The following DRAXIN variants were observed in gnomAD, a reference collection of about 807,000 sequenced individuals.
DRAXIN encodes dorsal inhibitory axon guidance protein.
DRAXIN carries 27 observed loss-of-function variants against 33.9 expected under a neutral mutation model. The observed-to-expected ratio is 0.80, with a 90% CI of 0.59 to 1.10. DRAXIN has a LOEUF of 1.10. Ranked by LOEUF, DRAXIN falls within the 50% of genes least tolerant of loss-of-function variation. DRAXIN has a pLI of 0.00. For synonymous variants in DRAXIN, 178 were observed against 194.0 expected (o/e 0.92, Z 0.69); for missense variants, 371 against 460.8 (o/e 0.81, Z 1.78).
rs1385048049 is a variant in DRAXIN at position 11,721,637 on chromosome 1, G to C, written c.*1941G>C. 6.6e-6 allele frequency: 1 copy of C among 152,462 alleles called. No homozygotes were observed. The highest frequency in any genetic ancestry group is 1.9e-4 in the East Asian group (1 of 5,198). 9.4% of individuals were successfully genotyped at this position (152,462 alleles called of 1,614,324 possible). A position where few individuals can be genotyped will look rare whatever the true frequency, so the allele number is the denominator to read the frequency against. On this transcript the variant is annotated 3_prime_UTR_variant, in exon 7 of 7. Coordinates refer to ENST00000294485, the MANE Select transcript of DRAXIN (RefSeq NM_198545.4). ...CAAGTTTGATGGGCATGGGAACCTT[G>C]TGGGGAGGGAGCAGGGAGGGCAGGG... is the stretch of plus-strand genomic sequence containing the variant.
intron 6 of DRAXIN, among the ~76,000 whole-genome samples, chr1:11,718,315 CAAAA>C (rs759545157): frequency 1.1e-5 from 1 of 93,916 alleles, no homozygotes; most frequent in Admixed American, 1.2e-4. Context: ...AACTCCATCT[CAAAA>C]AAAAAAAAAA....
chr1:11,714,989 A>G (rs1445954986), intron 5 of DRAXIN, 130 bp from the exon 6 acceptor site: 1 of 1,036,934 alleles, frequency 9.6e-7, no homozygotes, highest in Admixed American at 2.0e-5. Flanking sequence ...CTTGCACACC[A>G]GATGGCCCAC....
At chr1:11,715,671 C>T (rs1241339564) in intron 6 of DRAXIN, among the ~76,000 whole-genome samples, 2 of 152,154 alleles carry the variant, frequency 1.3e-5, no homozygotes, top group East Asian at 1.9e-4. Flanking sequence ...TGCACTTGCC[C>T]AGCTGCCTCT....
chr1:11,698,529 C>T (rs1641226699), intron 1 of DRAXIN, among the ~76,000 whole-genome samples: 1 of 152,104 alleles, frequency 6.6e-6, no homozygotes, highest in Non-Finnish European at 1.5e-5. Context: ...TGAGGAGTAG[C>T]CAGAGGGAAA....
chr1:11,697,707 T>C, intron 1 of DRAXIN, among the ~76,000 whole-genome samples: 1 of 151,992 alleles, frequency 6.6e-6, no homozygotes, highest in East Asian at 1.9e-4. Context: ...AGCTAGTGGC[T>C]GACCACCGGG....
chr1:11,695,702 A>G (rs1641181470), intron 1 of DRAXIN, among the ~76,000 whole-genome samples: 1 of 152,144 alleles, frequency 6.6e-6, no homozygotes, highest in South Asian at 2.1e-4. Context: ...ATGATACCCA[A>G]ACAAACACAG....
intron 6 of DRAXIN, among the ~76,000 whole-genome samples, 177 bp downstream of exon 6, chr1:11,715,385 G>A (rs1209150154): frequency 2.0e-5 from 3 of 152,246 alleles, no homozygotes; most frequent in Admixed American, 1.3e-4. Flanking sequence ...ACGTGAGCAA[G>A]AACAGCTTTA....
Position 11,694,388 on chromosome 1 carries a change from G to A in DRAXIN, c.-11+2535G>A, listed in dbSNP as rs369805490. ...AGGTTGGAGGGGGAGCAAGCTGCCC[G>A]GAAACCCCTGTGATACTGAGGCCCT... On this transcript the variant is annotated intron_variant, in intron 1 of 6. Transcript: ENST00000294485. The surrounding 1 kb of genome is among the most constrained non-coding windows in gnomAD (Gnocchi z 4.9). Among the ~76,000 whole-genome samples, 9 of 152,036 alleles carry A rather than the reference G, an allele frequency of 5.9e-5. No individual in the cohort carries two copies. The highest frequency in any genetic ancestry group is 7.4e-5 in the Non-Finnish European group (5 of 68,008).
chr1:11,700,891 G>A (rs1351931221), intron 1 of DRAXIN, among the ~76,000 whole-genome samples: 1 of 152,194 alleles, frequency 6.6e-6, no homozygotes, highest in Non-Finnish European at 1.5e-5. Flanking sequence ...CAGCTGTCCC[G>A]AGAAGCCTGG....
At position 11,705,755 on chromosome 1, in the gene DRAXIN, C is replaced by T. The variant is rs1262397111; in HGVS notation, c.-10-494C>T. On this transcript the variant is annotated intron_variant, in intron 1 of 6. Coordinates refer to ENST00000294485, the MANE Select transcript of DRAXIN (RefSeq NM_198545.4). This position sits in a 1 kb window ranked among gnomAD's most constrained non-coding sequence, Gnocchi z 4.8. ...TTCACACAAAGCACTTAACGTGGGTCCTGCCTACAGCGTGCGCTCAAACGC... is the reference window on the plus strand; with the variant it reads ...TTCACACAAAGCACTTAACGTGGGTTCTGCCTACAGCGTGCGCTCAAACGC... Among the ~76,000 whole-genome samples the T allele has an allele frequency of 6.6e-6, 1 of 152,178 alleles. No homozygotes were observed. Among genetic ancestry groups the T allele is most frequent in the Non-Finnish European group, 1.5e-5 (1 of 68,034 alleles).
chr1:11,691,675 C>G (rs191684205), upstream of DRAXIN: 1,794 of 149,396 alleles, frequency 0.012, 13 homozygotes, highest in Non-Finnish European at 0.019. Flanking sequence ...GCTCCCGCCC[C>G]CTTCCCTCCT....
chr1:11,719,880 C>T lies in DRAXIN; in HGVS notation c.*184C>T, dbSNP rs1011144630. ...AGCTGGGTGGGTGCCCAGGAGCCGG[C>T]CCGCAGCACCTGCACACACGAAGTC... On this transcript the variant is annotated 3_prime_UTR_variant, in exon 7 of 7. Transcript: ENST00000294485. 6 of 596,520 alleles carry T rather than the reference C, an allele frequency of 1.0e-5. No homozygotes were observed. The highest frequency in any genetic ancestry group is 1.2e-5 in the Non-Finnish European group (4 of 330,668). 37.0% of individuals were successfully genotyped at this position (596,520 alleles called of 1,614,324 possible).
chr1:11,724,189 G>C lies in DRAXIN; in HGVS notation c.*4493G>C, dbSNP rs1300586475. On this transcript the variant is annotated 3_prime_UTR_variant, in exon 7 of 7. Coordinates refer to ENST00000294485, the MANE Select transcript of DRAXIN (RefSeq NM_198545.4). ...CCCTTGGCAGCATGTGCAGATTCCAGGCACCGAGGCAGGGCTGGAGGAGTA... is the reference window on the plus strand; with the variant it reads ...CCCTTGGCAGCATGTGCAGATTCCACGCACCGAGGCAGGGCTGGAGGAGTA... 1 of 152,314 alleles carries C rather than the reference G, an allele frequency of 6.6e-6. No homozygotes were observed. The highest frequency in any genetic ancestry group is 1.5e-5 in the Non-Finnish European group (1 of 68,114). 9.4% of individuals were successfully genotyped at this position (152,314 alleles called of 1,614,324 possible).
At position 11,705,055 on chromosome 1, in the gene DRAXIN, C is replaced by T. The variant is rs1353956868; in HGVS notation, c.-10-1194C>T. 6.6e-6 allele frequency among the ~76,000 whole-genome samples: 1 copy of T among 152,210 alleles called. No individual in the cohort carries two copies. The highest frequency in any genetic ancestry group is 1.5e-5 in the Non-Finnish European group (1 of 68,036). On this transcript the variant is annotated intron_variant, in intron 1 of 6. Coordinates refer to ENST00000294485, the MANE Select transcript of DRAXIN (RefSeq NM_198545.4). The surrounding 1 kb of genome is among the most constrained non-coding windows in gnomAD (Gnocchi z 4.8). ...GGTGGGCCAGCCAGCATGGGGGCCG[C>T]AGGGAGAGGCGCCGGGAAGCAGGGA...
chr1:11,709,557 C>T (rs571730477), intron 3 of DRAXIN, 92 bp downstream of exon 3: 55 of 1,394,698 alleles, frequency 3.9e-5, no homozygotes, highest in Middle Eastern at 1.8e-4. Context: ...GACTGAGGCA[C>T]GGGGGCAGGA....
intron 4 of DRAXIN, 67 bp downstream of exon 4, chr1:11,712,032 TG>T: frequency 1.3e-6 from 2 of 1,503,376 alleles, no homozygotes; most frequent in South Asian, 1.2e-5. Flanking sequence ...TCTGTTGAGG[TG>T]GGGGCCCCAG....
chr1:11,693,080 C>T (rs1221204291), intron 1 of DRAXIN, among the ~76,000 whole-genome samples: 1 of 152,114 alleles, frequency 6.6e-6, no homozygotes, highest in Non-Finnish European at 1.5e-5. Context: ...TCCCCCATCA[C>T]ACTTCCTGTC....
upstream of DRAXIN, among the ~76,000 whole-genome samples, chr1:11,688,344 G>T (rs1044158926): frequency 3.9e-5 from 6 of 152,190 alleles, no homozygotes; most frequent in African/African-American, 1.4e-4. The surrounding 1 kb of genome is among the most constrained non-coding windows in gnomAD (Gnocchi z 4.6). Context: ...CGAATCACCT[G>T]AGGTCAGGAT....
At chr1:11,712,544 A>G (rs967545582) in intron 5 of DRAXIN, 115 bp downstream of exon 5, 23 of 987,492 alleles carry the variant, frequency 2.3e-5, no homozygotes, top group Non-Finnish European at 3.4e-5. Flanking sequence ...TTCATGGATG[A>G]TAAATAATAA....
Sources: gnomAD v4.1 joint callset for allele counts (sites outside exome capture counted in the v4.1 genomes callset) on GRCh38, gnomAD v4.1.1 for gene constraint, Gnocchi (gnomAD v3.1) non-coding constraint, MANE v1.5 for transcripts, NCBI Gene and HGNC (gene_info 2026-07-23, HGNC 2026-07-21) for gene names.